The following LRRC4C variants were observed in gnomAD, a reference collection of about 807,000 sequenced individuals.
LRRC4C encodes leucine rich repeat containing 4C.
A neutral mutation model predicts 33.6 loss-of-function variants in LRRC4C; 5 were observed. The ratio of observed to expected loss-of-function variants is 0.15; its 90% confidence interval spans 0.08 to 0.31. The LOEUF is 0.31. LRRC4C is among the 10% of genes least tolerant of loss of function. LRRC4C has a pLI of 1.00. For synonymous variants in LRRC4C, 329 were observed against 302.0 expected, an observed-to-expected ratio of 1.09 and a Z score of -0.93; for missense variants, 560 against 796.7, an observed-to-expected ratio of 0.70 and a Z score of 3.58.
chr11:40,528,241 A>T (rs1203280854), intron 3 of LRRC4C, among the ~76,000 whole-genome samples: 1 of 152,218 alleles, frequency 6.6e-6, no homozygotes, highest in Non-Finnish European at 1.5e-5. Flanking sequence ...AACAAAAAGG[A>T]AATCTATGGA....
At chr11:41,301,519 A>G (rs1950288063) in intron 1 of LRRC4C, among the ~76,000 whole-genome samples, 1 of 152,186 alleles carries the variant, frequency 6.6e-6, no homozygotes, top group Non-Finnish European at 1.5e-5. Flanking sequence ...AGAAACTGAA[A>G]AGATAATTAA....
intron 1 of LRRC4C, among the ~76,000 whole-genome samples, chr11:41,104,131 T>C (rs939431185): frequency 7.2e-5 from 11 of 151,898 alleles, no homozygotes; most frequent in Non-Finnish European, 1.5e-4. Flanking sequence ...GATTAATAAC[T>C]TTTGCTTCTC....
rs550987688 is a variant in LRRC4C, at chr11:40,864,663, C to G, written c.-407+68972G>C. 2.6e-5 allele frequency among the ~76,000 whole-genome samples: 4 copies of G among 152,230 alleles called. No individual in the cohort carries two copies. The South Asian group carries it at 8.3e-4, about 32-fold the overall frequency. ...AGACATACCTAGTGGATTAAGGTAC[C>G]CTTTCAAACTAGGCAAAGACATGGC... On this transcript the variant is annotated intron_variant, in intron 2 of 6. Coordinates refer to ENST00000528697, the MANE Select transcript of LRRC4C (RefSeq NM_001258419.2).
intron 2 of LRRC4C, among the ~76,000 whole-genome samples, chr11:40,923,411 TGGCAG>T (rs1957274902): frequency 6.6e-6 from 1 of 152,204 alleles, no homozygotes; most frequent in South Asian, 2.1e-4. Flanking sequence ...AAGTTAAATG[TGGCAG>T]TGTATATTGC....
At chr11:40,199,081 T>C (rs1862497764) in intron 5 of LRRC4C, among the ~76,000 whole-genome samples, 1 of 152,134 alleles carries the variant, frequency 6.6e-6, no homozygotes, top group South Asian at 2.1e-4. Flanking sequence ...TGTTTGTTTA[T>C]TTATTTTGAG....
At chr11:41,057,684 C>G (rs565259274) in intron 1 of LRRC4C, among the ~76,000 whole-genome samples, 1 of 152,176 alleles carries the variant, frequency 6.6e-6, no homozygotes, top group African/African-American at 2.4e-5. Context: ...AGCAACCCAA[C>G]CTAGGGCCTC....
At chr11:40,680,858 A>C (rs1306324857) in intron 2 of LRRC4C, among the ~76,000 whole-genome samples, 1 of 152,236 alleles carries the variant, frequency 6.6e-6, no homozygotes, top group Non-Finnish European at 1.5e-5. Context: ...TTTAACATGC[A>C]ATCATTATAG....
chr11:41,439,749 G>T (rs1955552949), intron 1 of LRRC4C, among the ~76,000 whole-genome samples: 2 of 152,172 alleles, frequency 1.3e-5, no homozygotes, highest in Admixed American at 1.3e-4. Flanking sequence ...CAGAGATGGT[G>T]GCTGTGTGGA....
At chr11:40,654,631 C>A (rs1311796171) in intron 2 of LRRC4C, among the ~76,000 whole-genome samples, 5 of 152,142 alleles carry the variant, frequency 3.3e-5, no homozygotes, top group Non-Finnish European at 7.3e-5. Context: ...AAGGGACTTG[C>A]TTTGTCTCAG....
At chr11:41,269,003 G>A (rs1949237993) in intron 1 of LRRC4C, among the ~76,000 whole-genome samples, 1 of 152,128 alleles carries the variant, frequency 6.6e-6, no homozygotes, top group Non-Finnish European at 1.5e-5. Flanking sequence ...ATTCATAAAT[G>A]TGTTCTCTTT....
chr11:41,127,679 T>C (rs1031849594), intron 1 of LRRC4C, among the ~76,000 whole-genome samples: 1 of 152,048 alleles, frequency 6.6e-6, no homozygotes, highest in African/African-American at 2.4e-5. Context: ...AAGTTTCCTA[T>C]GTTATTGTGG....
At chr11:40,576,991 A>G (rs1021666159) in intron 3 of LRRC4C, among the ~76,000 whole-genome samples, 3 of 152,180 alleles carry the variant, frequency 2.0e-5, no homozygotes, top group Admixed American at 2.0e-4. Flanking sequence ...GATTTTACCT[A>G]GGGAAACTTC....
intron 6 of LRRC4C, among the ~76,000 whole-genome samples, chr11:40,124,257 A>G (rs1856043158): frequency 6.6e-6 from 1 of 152,182 alleles, no homozygotes; most frequent in South Asian, 2.1e-4. Flanking sequence ...GTTCTTCAAA[A>G]AACTAAAAAT....
chr11:40,613,816 C>A (rs1437416739), intron 3 of LRRC4C, among the ~76,000 whole-genome samples: 2 of 151,822 alleles, frequency 1.3e-5, no homozygotes, highest in Non-Finnish European at 2.9e-5. Flanking sequence ...CATTAACATT[C>A]TTGTACATCT....
rs546735136 is a variant in LRRC4C, at chr11:41,300,999, T to C, written c.-496+158432A>G. Among the ~76,000 whole-genome samples the C allele has an allele frequency of 9.2e-5, 14 of 152,312 alleles. No homozygotes were observed. In the East Asian group the frequency reaches 2.1e-3, roughly 23 times the overall value. The stretch of plus-strand genomic sequence containing the variant: ...CAACTTAAATTTAAACAATTTGAAG[T>C]TTTAAAATTTTTGTTTGGATATTAA... On this transcript the variant is annotated intron_variant, in intron 1 of 6. Transcript: ENST00000528697.
chr11:40,916,956 T>C (rs1034371388), intron 2 of LRRC4C, among the ~76,000 whole-genome samples: 1 of 152,114 alleles, frequency 6.6e-6, no homozygotes, highest in Non-Finnish European at 1.5e-5. Flanking sequence ...GAAAACTAAA[T>C]ATAATACAGT....
intron 2 of LRRC4C, among the ~76,000 whole-genome samples, chr11:40,876,923 AAT>A (rs1954922644): frequency 6.9e-6 from 1 of 144,880 alleles, no homozygotes; most frequent in Non-Finnish European, 1.5e-5. Context: ...AAAAAAAAAA[AAT>A]CTTGATAGCA....
chr11:40,939,931 C>T (rs533240055), intron 1 of LRRC4C, among the ~76,000 whole-genome samples: 1 of 152,234 alleles, frequency 6.6e-6, no homozygotes, highest in East Asian at 1.9e-4. Context: ...AAGGACAGCA[C>T]CTGCACTCCA....
chr11:40,718,827 T>G (rs924491232), intron 2 of LRRC4C, among the ~76,000 whole-genome samples: 2 of 152,150 alleles, frequency 1.3e-5, no homozygotes, highest in Non-Finnish European at 2.9e-5. Flanking sequence ...ATAAGGAAAC[T>G]GGGCACTGAG....
Sources: allele counts gnomAD v4.1 joint callset (sites outside exome capture counted in the v4.1 genomes callset), GRCh38; gene constraint gnomAD v4.1.1; transcripts MANE v1.5; gene names NCBI Gene and HGNC (gene_info 2026-07-23, HGNC 2026-07-21).